Variants in TAOK1 observed in about 807,000 individuals in gnomAD.
TAOK1 encodes the protein TAO kinase 1.
TAOK1 carries 21 observed loss-of-function variants against 138.3 expected under a neutral mutation model. That is an observed-to-expected ratio of 0.15 (90% CI 0.11 to 0.22). The LOEUF is 0.22. Among genes scored for constraint, TAOK1 ranks in the 10% least tolerant of loss-of-function variants. The probability of loss-of-function intolerance (pLI) is 1.00; values close to 1 mark genes in which losing one functional copy is unlikely to be tolerated. For synonymous variants in TAOK1, 361 were observed against 398.4 expected (o/e 0.91, Z 1.12); for missense variants, 651 against 1,227.7 (o/e 0.53, Z 7.02).
chr17:29,499,492 A>G (rs1839872464), intron 12 of TAOK1, among the ~76,000 whole-genome samples: 2 of 151,616 alleles, frequency 1.3e-5, no homozygotes, highest in African/African-American at 4.8e-5. Flanking sequence ...TCAGCCTCCC[A>G]AAGTGCTGGG....
At chr17:29,495,873 G>A (rs2153027998) in intron 11 of TAOK1, 146 bp downstream of exon 11, 3 of 696,398 alleles carry the variant, frequency 4.3e-6, no homozygotes, top group Non-Finnish European at 6.3e-6. Context: ...TCCCAGTTAG[G>A]AATAAAAAAA....
At chr17:29,396,199 G>A (rs1160836674) in intron 1 of TAOK1, among the ~76,000 whole-genome samples, 1 of 151,998 alleles carries the variant, frequency 6.6e-6, no homozygotes. Context: ...TTTTCAGCTG[G>A]GACGTTTCTG....
intron 3 of TAOK1, among the ~76,000 whole-genome samples, chr17:29,474,505 G>A (rs2030898640): frequency 2.0e-5 from 3 of 152,098 alleles, no homozygotes; most frequent in Admixed American, 2.0e-4. Flanking sequence ...GTTATTGATG[G>A]CCTAATTTCA....
chr17:29,472,211 A>T (rs544848186), intron 3 of TAOK1, among the ~76,000 whole-genome samples: 1 of 151,478 alleles, frequency 6.6e-6, no homozygotes, highest in South Asian at 2.1e-4. Context: ...CTTTGCCCAT[A>T]TCCATCAGAC....
At chr17:29,471,248 C>T (rs956011281) in intron 3 of TAOK1, among the ~76,000 whole-genome samples, 1 of 148,440 alleles carries the variant, frequency 6.7e-6, no homozygotes, top group African/African-American at 2.5e-5. Flanking sequence ...AGACAGTGTA[C>T]GTACCTTAAT....
intron 10 of TAOK1, among the ~76,000 whole-genome samples, chr17:29,493,215 C>T (rs1472249744): frequency 6.6e-6 from 1 of 151,706 alleles, no homozygotes; most frequent in Admixed American, 6.6e-5. Context: ...GTAAGAATGG[C>T]CGGGCGCGGT....
chr17:29,476,936 C>T (rs1468351307), intron 4 of TAOK1, among the ~76,000 whole-genome samples: 1 of 152,106 alleles, frequency 6.6e-6, no homozygotes, highest in Non-Finnish European at 1.5e-5. Flanking sequence ...AGCTCCGCCT[C>T]CCAGGTTCAT....
At chr17:29,480,107 A>G (rs529433124) in intron 6 of TAOK1, 11 of 238,804 alleles carry the variant, frequency 4.6e-5, no homozygotes, top group Non-Finnish European at 7.2e-5. Context: ...AATATAAACT[A>G]TGCTCCAATG....
intron 1 of TAOK1, among the ~76,000 whole-genome samples, chr17:29,439,976 A>C (rs2029892033): frequency 6.6e-6 from 1 of 151,904 alleles, no homozygotes; most frequent in Non-Finnish European, 1.5e-5. Context: ...CTCATCCTCA[A>C]CCTAAAAGTA....
intron 13 of TAOK1, among the ~76,000 whole-genome samples, chr17:29,506,807 C>G (rs1009607502): frequency 8.5e-5 from 13 of 152,116 alleles, no homozygotes; most frequent in African/African-American, 3.1e-4. Flanking sequence ...CACACAGTCA[C>G]AGCAGCAGTT....
At chr17:29,455,655 G>GT (rs1244734427) in intron 2 of TAOK1, among the ~76,000 whole-genome samples, 3 of 149,900 alleles carry the variant, frequency 2.0e-5, no homozygotes, top group Non-Finnish European at 2.9e-5. Flanking sequence ...CTTTATTCCT[G>GT]TTTTTTTGAG....
intron 1 of TAOK1, among the ~76,000 whole-genome samples, chr17:29,429,868 C>A (rs906239378): frequency 2.0e-5 from 3 of 152,148 alleles, no homozygotes; most frequent in African/African-American, 7.2e-5. Context: ...TAATATCTGT[C>A]ATACAGTGTG....
At chr17:29,445,505 G>A (rs541300684) in intron 1 of TAOK1, 5 of 152,280 alleles carry the variant, frequency 3.3e-5, no homozygotes, top group African/African-American at 1.2e-4. Context: ...GGTTAAAGAT[G>A]TTCCTTTCTA....
At chr17:29,438,639 G>A (rs987438921) in intron 1 of TAOK1, among the ~76,000 whole-genome samples, 6 of 152,158 alleles carry the variant, frequency 3.9e-5, no homozygotes, top group East Asian at 1.9e-4. Flanking sequence ...CAGTGAGATC[G>A]TGGCACTGCA....
At chr17:29,448,438 C>T (rs1171103201) in intron 1 of TAOK1, among the ~76,000 whole-genome samples, 1 of 152,056 alleles carries the variant, frequency 6.6e-6, no homozygotes, top group Non-Finnish European at 1.5e-5. Context: ...TTTATTTCTT[C>T]TCCTTTAACT....
intron 1 of TAOK1, among the ~76,000 whole-genome samples, chr17:29,409,072 G>T (rs969343191): frequency 5.9e-5 from 9 of 151,884 alleles, no homozygotes; most frequent in Non-Finnish European, 1.2e-4. Flanking sequence ...TCATAGAAAT[G>T]GAATTATACA....
At chr17:29,397,672 T>TATACATGTATACATGTATATTCATTTATG in intron 1 of TAOK1, among the ~76,000 whole-genome samples, 1 of 59,660 alleles carries the variant, frequency 1.7e-5, no homozygotes, top group Non-Finnish European at 3.1e-5. Flanking sequence ...ATGATACATG[T>TATACATGTATACATGTATATTCATTTATG]ATACATGTAT....
At chr17:29,436,269 C>T (rs550525134) in intron 1 of TAOK1, among the ~76,000 whole-genome samples, 1 of 152,220 alleles carries the variant, frequency 6.6e-6, no homozygotes, top group East Asian at 1.9e-4. Flanking sequence ...TAGGAATATA[C>T]CTTACTCAAT....
At chr17:29,495,801 A>G in intron 11 of TAOK1, 74 bp downstream of exon 11, 1 of 1,312,670 alleles carries the variant, frequency 7.6e-7, no homozygotes, top group East Asian at 2.6e-5. Flanking sequence ...TTGCCCTGCC[A>G]TAATTTACCT....
Sources: allele counts gnomAD v4.1 joint callset (sites outside exome capture counted in the v4.1 genomes callset), GRCh38; gene constraint gnomAD v4.1.1; transcripts MANE v1.5; gene names NCBI Gene and HGNC (gene_info 2026-07-23, HGNC 2026-07-21).